Variants in PCDHB9 observed in about 807,000 individuals in gnomAD.
PCDHB9 encodes the protein protocadherin beta-9.
For missense variants in PCDHB9, 1,072 were observed against 995.1 expected (o/e 1.08, Z -1.04); for synonymous variants, 501 against 439.7 (o/e 1.14, Z -1.75).
chr5:141,189,042 T>A lies in PCDHB9; in HGVS notation c.1724T>A (p.Leu575Gln). The stretch of plus-strand genomic sequence containing the variant: ...AACGGCTCCGCGCCCTGCACCGAGC[T>A]GGTGCCCCGGGCGGCCGAGCCGGGC... ...LQNGSAPCTE[L>Q]VPRAAEPGYL... Residue 575 changes from leucine to glutamine, a missense_variant, in exon 1 of 1, where the codon CTG becomes CAG. By Grantham distance (113) the Leu-to-Gln change is moderately radical. Transcript: ENST00000316105. The A allele has an allele frequency of 6.2e-7, 1 of 1,608,562 alleles. No homozygotes were observed. Among genetic ancestry groups the A allele is most frequent in the Non-Finnish European group, 8.5e-7 (1 of 1,179,330 alleles).
Position 141,187,985 on chromosome 5 carries a change from T to C in PCDHB9, c.667T>C (p.Ser223Pro). The C allele has an allele frequency of 2.5e-6, 4 of 1,614,068 alleles. No individual in the cohort carries two copies. Among genetic ancestry groups the C allele is most frequent in the Non-Finnish European group, 3.4e-6 (4 of 1,180,026 alleles). Residue 223 changes from serine (S) to proline (P), a missense_variant, in exon 1 of 1, where the codon TCT becomes CCT. Physicochemically the swap from Ser to Pro is moderately conservative, Grantham distance 74. Coordinates refer to ENST00000316105, the MANE Select transcript of PCDHB9 (RefSeq NM_019119.5). ...TALDGGSPSR[S>P]GTSTIRIVVL... is the part of the protein sequence containing the mutation. ...GCTGGATGGTGGGTCTCCATCCAGG[T>C]CTGGGACCTCCACTATACGCATTGT...
rs1278145829 is a variant in PCDHB9, at chr5:141,187,192, T to C, written c.-127T>C. The C allele has an allele frequency of 1.9e-5, 23 of 1,193,516 alleles. No homozygotes were observed. In the East Asian group the frequency reaches 4.8e-4, roughly 25 times the overall value. 73.9% of individuals were successfully genotyped at this position (1,193,516 alleles called of 1,614,324 possible). A position where few individuals can be genotyped will look rare whatever the true frequency, so the allele number is the denominator to read the frequency against. On this transcript the variant is annotated 5_prime_UTR_variant, in exon 1 of 1. Coordinates refer to ENST00000316105, the MANE Select transcript of PCDHB9 (RefSeq NM_019119.5). ...ACAGATGGGCTGAGAAGAAGAGCTG[T>C]CGAGTCCCTGATTGGGAAAGGAAAA...
In PCDHB9 at chr5:141,187,397, G is replaced by A. The variant is rs1753762392; in HGVS notation, c.79G>A (p.Gly27Ser). 6.2e-7 allele frequency: 1 copy of A among 1,614,036 alleles called. No homozygotes were observed. Among genetic ancestry groups the A allele is most frequent in the Admixed American group, 1.7e-5 (1 of 60,000 alleles). ...TCTTTTCTGGGGAGTGTCCTTGGCA[G>A]GTTCTGGGTTTGGACGTTATTCGGT... The part of the protein sequence containing the change: ...LFLFWGVSLA[G>S]SGFGRYSVTE... The change falls in exon 1 of 1, where the codon GGT (glycine) becomes AGT (serine). Residue 27 changes from glycine to serine, a missense_variant. Gly to Ser is a moderately conservative substitution (Grantham distance 56). Transcript: ENST00000316105.
At position 141,188,256 on chromosome 5, in the gene PCDHB9, A is replaced by T; in HGVS notation, c.938A>T (p.Asn313Ile). Reference sequence around the variant, plus strand: ...GAATTGCTTGATTATGAGTTAGTAAATTCTTACAAAATAAATATACAGGCA... The same window carrying T: ...GAATTGCTTGATTATGAGTTAGTAATTTCTTACAAAATAAATATACAGGCA... ...LRELLDYELV[N>I]SYKINIQAMD... The change falls in exon 1 of 1, where the codon AAT (asparagine) becomes ATT (isoleucine). Residue 313 changes from asparagine to isoleucine, a missense_variant. Asn to Ile is a moderately radical substitution (Grantham distance 149). Coordinates refer to ENST00000316105, the MANE Select transcript of PCDHB9 (RefSeq NM_019119.5). 1 of 1,614,006 alleles carries T rather than the reference A, an allele frequency of 6.2e-7. No individual in the cohort carries two copies. The highest frequency in any genetic ancestry group is 8.5e-7 in the Non-Finnish European group (1 of 1,179,980).
In PCDHB9 at chr5:141,188,358, T is replaced by G; in HGVS notation, c.1040T>G (p.Leu347Arg). Residue 347 changes from leucine (L) to arginine (R), a missense_variant, in exon 1 of 1, where the codon CTG (leucine) becomes CGG (arginine). By Grantham distance (102) the Leu-to-Arg change is moderately radical. Transcript: ENST00000316105. ...VLDSNDNPPE[L>R]IISSLSNSVA... Reference sequence around the variant, plus strand: ...GATTCCAATGACAATCCTCCTGAACTGATCATATCATCACTTTCCAACTCT... The same window carrying G: ...GATTCCAATGACAATCCTCCTGAACGGATCATATCATCACTTTCCAACTCT... 6.2e-7 allele frequency: 1 copy of G among 1,614,106 alleles called. No homozygotes were observed. The highest frequency in any genetic ancestry group is 1.1e-5 in the South Asian group (1 of 91,080).
rs782283743 is a variant in PCDHB9 at position 141,189,433 on chromosome 5, G to T, written c.2115G>T (p.Val705=). The change falls in exon 1 of 1, where the codon GTG becomes GTT. Residue 705 remains valine, a synonymous_variant. Transcript: ENST00000316105. ...TGTCTTCGCTCTTCCTCCTCTCGGT[G>T]CTCCTGTTCGTGGCGGTGCGGCTGT... ...ASVSSLFLLS[V]LLFVAVRLCR... is the part of the protein sequence containing the mutation. The T allele has an allele frequency of 2.5e-6, 4 of 1,611,950 alleles. No homozygotes were observed. The highest frequency in any genetic ancestry group is 3.4e-6 in the Non-Finnish European group (4 of 1,179,736).
chr5:141,188,851 C>T lies in PCDHB9; in HGVS notation c.1533C>T (p.Gly511=), dbSNP rs782463413. Residue 511 remains glycine (G), a synonymous_variant, in exon 1 of 1, where the codon GGC becomes GGT. Transcript: ENST00000316105. ...ASLVSINADN[G]HLFALRSLDY... ...TGGTCTCCATCAACGCGGACAATGG[C>T]CACCTGTTTGCCCTCAGGTCGCTGG... 3.1e-6 allele frequency: 5 copies of T among 1,612,898 alleles called. No individual in the cohort carries two copies. The South Asian group carries it at 3.3e-5, about 11-fold the overall frequency.
At position 141,189,445 on chromosome 5, in the gene PCDHB9, G is replaced by C; in HGVS notation, c.2127G>C (p.Val709=). 2 of 1,612,238 alleles carry C rather than the reference G, an allele frequency of 1.2e-6. No individual in the cohort carries two copies. Among genetic ancestry groups the C allele is most frequent in the Non-Finnish European group, 1.7e-6 (2 of 1,179,754 alleles). ...SLFLLSVLLF[V]AVRLCRRSRA... is the part of the protein sequence containing the mutation. ...TCCTCCTCTCGGTGCTCCTGTTCGT[G>C]GCGGTGCGGCTGTGCAGGAGGAGCA... The change falls in exon 1 of 1, where the codon GTG becomes GTC. Residue 709 remains valine (V), a synonymous_variant. Coordinates refer to ENST00000316105, the MANE Select transcript of PCDHB9 (RefSeq NM_019119.5).
rs2149666911 is a variant in PCDHB9 at position 141,190,376 on chromosome 5, T to A, written c.*664T>A. 6.6e-6 allele frequency: 1 copy of A among 152,112 alleles called. No homozygotes were observed. The highest frequency in any genetic ancestry group is 2.4e-5 in the African/African-American group (1 of 41,476). The allele number at this position is 152,112 out of a possible 1,614,324, so 9.4% of individuals were successfully genotyped here. Reference sequence around the variant, plus strand: ...GTATTTTCAGTAGAGACGGGTTTCATCATGGTGGCCAGGATGGTCTATCTC... The same window carrying A: ...GTATTTTCAGTAGAGACGGGTTTCAACATGGTGGCCAGGATGGTCTATCTC... On this transcript the variant is annotated 3_prime_UTR_variant, in exon 1 of 1. Transcript: ENST00000316105.
rs782099487 is a variant in PCDHB9, at chr5:141,188,332, A to G, written c.1014A>G (p.Leu338=). Residue 338 remains leucine, a synonymous_variant, in exon 1 of 1, where the codon TTA becomes TTG. Coordinates refer to ENST00000316105, the MANE Select transcript of PCDHB9 (RefSeq NM_019119.5). ...SARCTVLIKV[L]DSNDNPPELI... ...GATGTACAGTTTTGATAAAAGTATT[A>G]GATTCCAATGACAATCCTCCTGAAC... is the stretch of plus-strand genomic sequence containing the variant. 1.9e-6 allele frequency: 3 copies of G among 1,614,032 alleles called. No homozygotes were observed. In the South Asian group the frequency reaches 3.3e-5, roughly 18 times the overall value.
chr5:141,187,449 T>C lies in PCDHB9; in HGVS notation c.131T>C (p.Phe44Ser), dbSNP rs781877040. 4 of 1,613,780 alleles carry C rather than the reference T, an allele frequency of 2.5e-6. No homozygotes were observed. In the South Asian group the frequency reaches 4.4e-5, roughly 18 times the overall value. ...ACTGAGGAAACAGAGAAAGGATCCT[T>C]TGTGGTCAATCTGGCAAAGGATCTG... is the stretch of plus-strand genomic sequence containing the variant. The part of the protein sequence containing the change: ...SVTEETEKGS[F>S]VVNLAKDLGL... Residue 44 changes from phenylalanine (F) to serine (S), a missense_variant, in exon 1 of 1, where the codon TTT becomes TCT. Phe to Ser is a radical substitution (Grantham distance 155, BLOSUM62 -2). Transcript: ENST00000316105.
chr5:141,189,740 C>G lies in PCDHB9; in HGVS notation c.*28C>G. On this transcript the variant is annotated 3_prime_UTR_variant, in exon 1 of 1. Transcript: ENST00000316105. ...GGAACCCACTTAATAAAGACATTTA[C>G]TTCTTTAATATATTCTTGTTGGCTA... The G allele has an allele frequency of 6.6e-7, 1 of 1,518,470 alleles. No individual in the cohort carries two copies. The highest frequency in any genetic ancestry group is 8.9e-7 in the Non-Finnish European group (1 of 1,126,440). The allele number at this position is 1,518,470 out of a possible 1,614,324, so 94.1% of individuals were successfully genotyped here.
At position 141,187,322 on chromosome 5, in the gene PCDHB9, AAGACC is replaced by A; in HGVS notation, c.7_11del (p.Thr3GlyfsTer33). The A allele has an allele frequency of 6.2e-7, 1 of 1,613,016 alleles. No homozygotes were observed. The highest frequency in any genetic ancestry group is 1.1e-5 in the South Asian group (1 of 90,948). On this transcript the variant is annotated frameshift_variant, in exon 1 of 1. Coordinates refer to ENST00000316105, the MANE Select transcript of PCDHB9 (RefSeq NM_019119.5). LOFTEE classifies it low-confidence loss of function (END_TRUNC). ...GACATTGAGGAAAGAAGCAGCTATGAAGACCAGGGGGTTCAGCTTTCCAAGACAAA... is the reference window on the plus strand; with the variant it reads ...GACATTGAGGAAAGAAGCAGCTATGAAGGGGGTTCAGCTTTCCAAGACAAA...
chr5:141,188,752 A>G lies in PCDHB9; in HGVS notation c.1434A>G (p.Arg478=). 1 of 1,613,178 alleles carries G rather than the reference A, an allele frequency of 6.2e-7. No homozygotes were observed. Among genetic ancestry groups the G allele is most frequent in the South Asian group, 1.1e-5 (1 of 91,028 alleles). The part of the protein sequence containing the change: ...LHIGSVSATD[R]DSGTNAQVTY... The stretch of plus-strand genomic sequence containing the variant: ...TCGGCAGTGTCAGCGCCACAGACAG[A>G]GACTCAGGCACCAACGCCCAGGTCA... The change falls in exon 1 of 1, where the codon AGA becomes AGG. Residue 478 remains arginine, a synonymous_variant. Coordinates refer to ENST00000316105, the MANE Select transcript of PCDHB9 (RefSeq NM_019119.5).
rs782343256 is a variant in PCDHB9 at position 141,189,288 on chromosome 5, C to A, written c.1970C>A (p.Thr657Lys). ...GAGCCTCCTCGCTCGGCCACCGCCA[C>A]GCTGCACGTGCTCCTGGTGGACGGC... is the stretch of plus-strand genomic sequence containing the variant. ...NGEPPRSATATLHVLLVDGFS... is the reference protein window; with the variant it reads ...NGEPPRSATAKLHVLLVDGFS... The change falls in exon 1 of 1, where the codon ACG (threonine) becomes AAG (lysine). Residue 657 changes from threonine (T) to lysine (K), a missense_variant. Thr to Lys is a moderately conservative substitution (Grantham distance 78). Transcript: ENST00000316105. The A allele has an allele frequency of 6.2e-6, 10 of 1,608,960 alleles. No homozygotes were observed. Among genetic ancestry groups the A allele is most frequent in the Admixed American group, 5.0e-5 (3 of 59,994 alleles).
chr5:141,188,933 C>G lies in PCDHB9; in HGVS notation c.1615C>G (p.Pro539Ala). 1 of 1,612,052 alleles carries G rather than the reference C, an allele frequency of 6.2e-7. No individual in the cohort carries two copies. The highest frequency in any genetic ancestry group is 8.5e-7 in the Non-Finnish European group (1 of 1,179,822). The stretch of plus-strand genomic sequence containing the variant: ...CGTGGGCGCCTCAGACCGCGGCTCC[C>G]CGGCTTTGAGCAGCGAGGCGCTGGT... ...FRVGASDRGS[P>A]ALSSEALVRV... The change falls in exon 1 of 1, where the codon CCG becomes GCG. Residue 539 changes from proline (P) to alanine (A), a missense_variant. Physicochemically the swap from Pro to Ala is conservative, Grantham distance 27. Transcript: ENST00000316105.
In PCDHB9 at chr5:141,188,701, G is replaced by C. The variant is rs17844520; in HGVS notation, c.1383G>C (p.Arg461=). ...FTQTSYTLFV[R]ENNSPALHIG... ...AAACCTCCTACACCCTGTTCGTCCG[G>C]GAGAACAACAGCCCCGCCCTGCACA... is the stretch of plus-strand genomic sequence containing the variant. Residue 461 remains arginine, a synonymous_variant, in exon 1 of 1, where the codon CGG becomes CGC. Transcript: ENST00000316105. 5.7e-3 allele frequency: 9,250 copies of C among 1,613,588 alleles called. 94 individuals are homozygous for C. The highest frequency in any genetic ancestry group is 0.035 in the African/African-American group (2,614 of 74,888).
At position 141,189,505 on chromosome 5, in the gene PCDHB9, G is replaced by A. The variant is rs542462731; in HGVS notation, c.2187G>A (p.Glu729=). Residue 729 remains glutamate, a synonymous_variant, in exon 1 of 1, where the codon GAG becomes GAA. Coordinates refer to ENST00000316105, the MANE Select transcript of PCDHB9 (RefSeq NM_019119.5). The part of the protein sequence containing the change: ...AASVGRCSVP[E]GPFPGHLVDV... ...CGGTGGGTCGCTGCTCGGTGCCCGA[G>A]GGTCCTTTTCCAGGGCATCTGGTGG... 10 of 1,613,970 alleles carry A rather than the reference G, an allele frequency of 6.2e-6. No individual in the cohort carries two copies. The highest frequency in any genetic ancestry group is 2.2e-5 in the East Asian group (1 of 44,850).
rs1417941624 is a variant in PCDHB9, at chr5:141,188,953, G to T, written c.1635G>T (p.Ala545=). Reference sequence around the variant, plus strand: ...GCTCCCCGGCTTTGAGCAGCGAGGCGCTGGTGCGCGTACTGGTGCTGGACG... The same window carrying T: ...GCTCCCCGGCTTTGAGCAGCGAGGCTCTGGTGCGCGTACTGGTGCTGGACG... ...DRGSPALSSE[A]LVRVLVLDAN... is the part of the protein sequence containing the mutation. Residue 545 remains alanine (A), a synonymous_variant, in exon 1 of 1, where the codon GCG becomes GCT. Transcript: ENST00000316105. 2.5e-6 allele frequency: 4 copies of T among 1,611,870 alleles called. No individual in the cohort carries two copies. Among genetic ancestry groups the T allele is most frequent in the Middle Eastern group, 2.2e-4 (1 of 4,486 alleles).
Sources: allele counts gnomAD v4.1 joint callset, GRCh38; gene constraint gnomAD v4.1.1; transcripts MANE v1.5; gene names NCBI Gene and HGNC (gene_info 2026-07-23, HGNC 2026-07-21).